IRF2: variants seen among roughly 807,000 people sequenced by gnomAD.
The protein encoded by IRF2 is interferon regulatory factor 2.
IRF2 carries 15 observed loss-of-function variants against 40.6 expected under a neutral mutation model. That is an observed-to-expected ratio of 0.37 (90% CI 0.25 to 0.57). The LOEUF (loss-of-function observed/expected upper bound fraction) is 0.57. Among genes scored for constraint, IRF2 ranks in the 20% least tolerant of loss-of-function variants. The pLI, the probability that IRF2 is intolerant of heterozygous loss-of-function variation, is 0.77. For synonymous variants in IRF2, 151 were observed against 165.5 expected (o/e 0.91, Z 0.67); for missense variants, 317 against 455.7 (o/e 0.70, Z 2.77).
intron 6 of IRF2, among the ~76,000 whole-genome samples, chr4:184,401,334 G>A (rs1234836984): frequency 6.6e-6 from 1 of 152,204 alleles, no homozygotes; most frequent in Non-Finnish European, 1.5e-5. Context: ...GCAATTCATA[G>A]GTTCTTTAAT....
At chr4:184,411,789 C>T (rs1054507854) in intron 5 of IRF2, among the ~76,000 whole-genome samples, 1 of 152,008 alleles carries the variant, frequency 6.6e-6, no homozygotes, top group African/African-American at 2.4e-5. Flanking sequence ...AGGCCCTGAA[C>T]ACTCTTCGCC....
At position 184,418,574 on chromosome 4, in the gene IRF2, C is replaced by A; in HGVS notation, c.322G>T (p.Val108Phe). The A allele has an allele frequency of 6.2e-7, 1 of 1,614,210 alleles. No homozygotes were observed. The highest frequency in any genetic ancestry group is 8.5e-7 in the Non-Finnish European group (1 of 1,180,026). ...SIKKGNNAFRVYRMLPLSERP... is the reference protein window; with the variant it reads ...SIKKGNNAFRFYRMLPLSERP... ...TCTGATAGGGGCAGCATTCGGTAGA[C>A]CCTGAAGGCATTATTTCCTTTCTTT... Residue 108 changes from valine (V) to phenylalanine (F), a missense_variant, in exon 4 of 9, where the codon GTC becomes TTC. Coordinates refer to ENST00000393593, the MANE Select transcript of IRF2 (RefSeq NM_002199.4).
At chr4:184,389,430 C>T (rs539566402) in intron 8 of IRF2, among the ~76,000 whole-genome samples, 5 of 152,130 alleles carry the variant, frequency 3.3e-5, no homozygotes, top group South Asian at 2.1e-4. Context: ...AACAACAACC[C>T]ACAAAAAAAA....
chr4:184,452,828 GAA>G, intron 1 of IRF2, among the ~76,000 whole-genome samples: 1 of 122,246 alleles, frequency 8.2e-6, no homozygotes. Flanking sequence ...AGAGAGAGAA[GAA>G]AAAAGCAAAT....
chr4:184,410,028 G>T (rs988049011), intron 5 of IRF2, among the ~76,000 whole-genome samples: 2 of 152,102 alleles, frequency 1.3e-5, no homozygotes, highest in Admixed American at 6.6e-5. Flanking sequence ...CCGACCCGCT[G>T]TCTGCCTTTC....
intron 7 of IRF2, among the ~76,000 whole-genome samples, chr4:184,395,732 A>G (rs972846785): frequency 3.3e-5 from 5 of 152,250 alleles, no homozygotes; most frequent in Non-Finnish European, 5.9e-5. Flanking sequence ...GAATCCAGAC[A>G]ATGAAAACAA....
At chr4:184,435,995 T>TG (rs397769883) in intron 1 of IRF2, among the ~76,000 whole-genome samples, 1 of 151,586 alleles carries the variant, frequency 6.6e-6, no homozygotes, top group Non-Finnish European at 1.5e-5. Context: ...TTTTTTTTTT[T>TG]GAGACAGAGT....
intron 7 of IRF2, 114 bp from the exon 8 acceptor site, chr4:184,390,863 C>T: frequency 2.0e-6 from 2 of 1,006,656 alleles, no homozygotes; most frequent in Non-Finnish European, 3.1e-6. Context: ...ACCTCCCTCC[C>T]TTTGTAAAGC....
intron 1 of IRF2, among the ~76,000 whole-genome samples, chr4:184,433,442 G>A (rs116476312): frequency 7.9e-5 from 12 of 152,238 alleles, no homozygotes; most frequent in South Asian, 4.1e-4. Context: ...GTCATCCACC[G>A]GCTGGGTGCA....
chr4:184,457,899 TACTGGGA>T (rs1739003442), intron 1 of IRF2, among the ~76,000 whole-genome samples: 1 of 152,120 alleles, frequency 6.6e-6, no homozygotes, highest in African/African-American at 2.4e-5. Context: ...AACCCTTCCT[TACTGGGA>T]AACAGGAACA....
intron 5 of IRF2, among the ~76,000 whole-genome samples, chr4:184,411,726 A>G (rs1207007682): frequency 2.0e-5 from 3 of 152,128 alleles, no homozygotes; most frequent in Non-Finnish European, 4.4e-5. Flanking sequence ...AGGATCTCAA[A>G]TGAAGAAAAG....
intron 1 of IRF2, 87 bp from the exon 2 acceptor site, chr4:184,429,157 T>A: frequency 3.8e-6 from 3 of 799,198 alleles, no homozygotes; most frequent in Non-Finnish European, 4.0e-6. Context: ...CCTGACTCTT[T>A]CCTTCTCTCC....
intron 8 of IRF2, among the ~76,000 whole-genome samples, chr4:184,389,642 A>G (rs997937578): frequency 6.6e-6 from 1 of 151,978 alleles, no homozygotes; most frequent in Non-Finnish European, 1.5e-5. Context: ...CCTCCCAGAA[A>G]TACTTTCCAG....
At chr4:184,395,399 C>T (rs112787868) in intron 7 of IRF2, among the ~76,000 whole-genome samples, 1,562 of 104,148 alleles carry the variant, frequency 0.015, 14 homozygotes, top group Middle Eastern at 0.053. Context: ...GGCGACAGAG[C>T]GAGACTCCGT....
chr4:184,435,172 C>T (rs1435484673), intron 1 of IRF2, among the ~76,000 whole-genome samples: 1 of 152,224 alleles, frequency 6.6e-6, no homozygotes, highest in Non-Finnish European at 1.5e-5. Context: ...CCAAGACTCT[C>T]ATTTAAATTC....
chr4:184,468,397 G>C lies in IRF2; in HGVS notation c.-7+5982C>G, dbSNP rs191205917. Among the ~76,000 whole-genome samples, 20 of 152,082 alleles carry C rather than the reference G, an allele frequency of 1.3e-4. No homozygotes were observed. In the East Asian group the frequency reaches 3.7e-3, roughly 28 times the overall value. ...AGCTACTCGGGAGGCTGAGGCAGAA[G>C]AATCACTTTAACCCAGGAGGCGGAG... On this transcript the variant is annotated intron_variant, in intron 1 of 8. Transcript: ENST00000393593.
At chr4:184,395,099 C>T (rs1736395974) in intron 7 of IRF2, among the ~76,000 whole-genome samples, 1 of 152,076 alleles carries the variant, frequency 6.6e-6, no homozygotes, top group Non-Finnish European at 1.5e-5. Flanking sequence ...ATACCAGTTT[C>T]CCAAACAGAT....
At chr4:184,468,214 G>A (rs533286806) in intron 1 of IRF2, among the ~76,000 whole-genome samples, 7 of 152,294 alleles carry the variant, frequency 4.6e-5, no homozygotes, top group African/African-American at 1.7e-4. Context: ...TGGGCTGGGC[G>A]CGGTGGCTCA....
chr4:184,457,849 C>CA (rs11450693), intron 1 of IRF2, among the ~76,000 whole-genome samples: 51,387 of 148,098 alleles, frequency 0.35, 10,425 homozygotes, highest in East Asian at 0.47. Flanking sequence ...AAAAACCTTC[C>CA]AAAAAAAAAA....
Sources: gnomAD v4.1 joint callset for allele counts (sites outside exome capture counted in the v4.1 genomes callset) on GRCh38, gnomAD v4.1.1 for gene constraint, MANE v1.5 for transcripts, NCBI Gene and HGNC (gene_info 2026-07-23, HGNC 2026-07-21) for gene names.